PLGRKT: variants seen among roughly 807,000 people sequenced by gnomAD.
The protein encoded by PLGRKT is plasminogen receptor (KT).
In PLGRKT, 22 loss-of-function variants were observed where a neutral mutation model predicts 18.5. That is an observed-to-expected ratio of 1.19 (90% confidence interval 0.85 to 1.70). The LOEUF (loss-of-function observed/expected upper bound fraction) is 1.70. Among genes scored for constraint, PLGRKT ranks in the 40% most tolerant of loss-of-function variants. The pLI is 0.00. For missense variants in PLGRKT, 235 were observed against 174.4 expected (o/e 1.35, Z -1.96); for synonymous variants, 72 against 52.8 (o/e 1.36, Z -1.58).
At chr9:5,405,608 C>A (rs1586730376) in intron 3 of PLGRKT, among the ~76,000 whole-genome samples, 1 of 152,060 alleles carries the variant, frequency 6.6e-6, no homozygotes, top group Non-Finnish European at 1.5e-5. Context: ...AAAGTTAACT[C>A]AAGATGGATT....
chr9:5,367,701 C>T (rs1293714090), intron 3 of PLGRKT, among the ~76,000 whole-genome samples: 1 of 152,028 alleles, frequency 6.6e-6, no homozygotes, highest in Non-Finnish European at 1.5e-5. Context: ...ATGACTAGGT[C>T]CTCAAAAGCA....
chr9:5,388,058 A>G (rs1817878850), intron 3 of PLGRKT, among the ~76,000 whole-genome samples: 2 of 152,066 alleles, frequency 1.3e-5, no homozygotes, highest in South Asian at 4.1e-4. Flanking sequence ...TGGGTTAGAA[A>G]TATTAATTTG....
intron 5 of PLGRKT, among the ~76,000 whole-genome samples, chr9:5,360,152 A>G (rs1817230663): frequency 6.6e-6 from 1 of 152,230 alleles, no homozygotes; most frequent in Non-Finnish European, 1.5e-5. Context: ...AATGATGTAA[A>G]CAACTTATTT....
intron 3 of PLGRKT, among the ~76,000 whole-genome samples, chr9:5,366,255 C>A (rs1817384371): frequency 6.6e-6 from 1 of 152,110 alleles, no homozygotes; most frequent in Non-Finnish European, 1.5e-5. Flanking sequence ...TCATTTTCAA[C>A]CTTCCTTCCC....
At chr9:5,360,707 C>A (rs1817243791) in intron 5 of PLGRKT, among the ~76,000 whole-genome samples, 1 of 152,016 alleles carries the variant, frequency 6.6e-6, no homozygotes, top group Non-Finnish European at 1.5e-5. Context: ...CTATAAATAA[C>A]CAGAGTATGG....
At chr9:5,407,068 T>C (rs1337792659) in intron 3 of PLGRKT, among the ~76,000 whole-genome samples, 1 of 152,194 alleles carries the variant, frequency 6.6e-6, no homozygotes, top group Non-Finnish European at 1.5e-5. Flanking sequence ...TCTTCATGTA[T>C]AAAATTTTCT....
chr9:5,359,013 G>C (rs572318174), intron 5 of PLGRKT, among the ~76,000 whole-genome samples: 1 of 151,922 alleles, frequency 6.6e-6, no homozygotes, highest in East Asian at 1.9e-4. Context: ...CCTCCCTTGG[G>C]ATTAAAAGGT....
At chr9:5,434,425 G>A (rs1363241320) in intron 2 of PLGRKT, among the ~76,000 whole-genome samples, 1 of 148,242 alleles carries the variant, frequency 6.7e-6, no homozygotes, top group South Asian at 2.1e-4. Context: ...TCTGGGAAGT[G>A]AGGAGCACCT....
chr9:5,385,249 T>G (rs1817820285), intron 3 of PLGRKT, among the ~76,000 whole-genome samples: 1 of 152,182 alleles, frequency 6.6e-6, no homozygotes, highest in Non-Finnish European at 1.5e-5. Context: ...AAGAACTTTT[T>G]GGATTGCTTA....
chr9:5,424,652 A>ATT (rs61342920), intron 3 of PLGRKT, among the ~76,000 whole-genome samples: 6,798 of 124,768 alleles, frequency 0.054, 780 homozygotes, highest in African/African-American at 0.2. Context: ...CATTATATAT[A>ATT]ATATAATTAT....
intron 3 of PLGRKT, among the ~76,000 whole-genome samples, chr9:5,367,990 G>A (rs892912677): frequency 2.6e-5 from 4 of 152,036 alleles, no homozygotes; most frequent in African/African-American, 9.7e-5. Flanking sequence ...ATGAAAAAAT[G>A]TTCAACAACA....
chr9:5,370,016 C>A (rs1019757055), intron 3 of PLGRKT, among the ~76,000 whole-genome samples: 2 of 152,024 alleles, frequency 1.3e-5, no homozygotes, highest in African/African-American at 4.8e-5. Flanking sequence ...TGCAGCAAAC[C>A]ACCATGGCAC....
chr9:5,403,633 G>A (rs552896669), intron 3 of PLGRKT, among the ~76,000 whole-genome samples: 5 of 152,308 alleles, frequency 3.3e-5, no homozygotes, highest in Non-Finnish European at 5.9e-5. Flanking sequence ...CAATATCACC[G>A]TATTAACCAG....
intron 3 of PLGRKT, among the ~76,000 whole-genome samples, chr9:5,388,508 T>C (rs116773732): frequency 5.3e-5 from 8 of 152,144 alleles, no homozygotes; most frequent in African/African-American, 1.2e-4. Flanking sequence ...TATTTCTGCA[T>C]TGAAGAAAAT....
At chr9:5,361,233 T>G (rs767738275) in intron 4 of PLGRKT, 46 bp from the exon 5 acceptor site, 2 of 1,074,950 alleles carry the variant, frequency 1.9e-6, no homozygotes, top group Non-Finnish European at 2.8e-6. Flanking sequence ...AAATAACCTG[T>G]AAATACATAT....
intron 3 of PLGRKT, among the ~76,000 whole-genome samples, chr9:5,427,716 A>G (rs1471513365): frequency 1.3e-5 from 2 of 152,242 alleles, no homozygotes; most frequent in Non-Finnish European, 2.9e-5. Context: ...TGCAAGTAGC[A>G]TAAAATCCCA....
At chr9:5,437,168 GGGA>G (rs1484596810) in intron 1 of PLGRKT, among the ~76,000 whole-genome samples, 4 of 152,126 alleles carry the variant, frequency 2.6e-5, no homozygotes, top group African/African-American at 9.7e-5. Context: ...TGTATTTCTG[GGGA>G]GGAGAAGTGG....
In PLGRKT at chr9:5,418,624, C is replaced by T. The variant is rs1304309550; in HGVS notation, c.81+13273G>A. 3.2e-5 allele frequency: 23 copies of T among 711,410 alleles called. No individual in the cohort carries two copies. The highest frequency in any genetic ancestry group is 2.8e-4 in the Admixed American group (15 of 53,154). 44.1% of individuals were successfully genotyped at this position (711,410 alleles called of 1,614,324 possible). A position where few individuals can be genotyped will look rare whatever the true frequency, so the allele number is the denominator to read the frequency against. On this transcript the variant is annotated intron_variant, in intron 3 of 5. Coordinates refer to ENST00000223864, the MANE Select transcript of PLGRKT (RefSeq NM_018465.4). This position sits in a 1 kb window ranked among gnomAD's most constrained non-coding sequence, Gnocchi z 4.2. The stretch of plus-strand genomic sequence containing the variant: ...CTGCCGGTTCCTGGGCAGCAGGTGG[C>T]GGCTCATATCTCCGGGCAGCAGCGC...
chr9:5,393,964 C>T (rs564093065), intron 3 of PLGRKT, among the ~76,000 whole-genome samples: 1 of 151,870 alleles, frequency 6.6e-6, no homozygotes, highest in Admixed American at 6.6e-5. Flanking sequence ...GAAGAAAAGC[C>T]TCTTACCTTA....
Sources: allele counts gnomAD v4.1 joint callset (sites outside exome capture counted in the v4.1 genomes callset), GRCh38; gene constraint gnomAD v4.1.1; non-coding constraint Gnocchi (gnomAD v3.1); transcripts MANE v1.5; gene names NCBI Gene and HGNC (gene_info 2026-07-23, HGNC 2026-07-21).